FIG4: variants seen among roughly 807,000 people sequenced by gnomAD.
FIG4 encodes the protein polyphosphoinositide phosphatase.
A neutral mutation model predicts 118.6 loss-of-function variants in FIG4; 112 were observed. The ratio of observed to expected loss-of-function variants is 0.94; its 90% confidence interval spans 0.81 to 1.11. The LOEUF (loss-of-function observed/expected upper bound fraction) is 1.11. FIG4 is among the 50% of genes least tolerant of loss of function. FIG4 has a pLI of 0.00. For synonymous variants in FIG4, 369 were observed against 381.2 expected (o/e 0.97, Z 0.37); for missense variants, 969 against 1,111.7 (o/e 0.87, Z 1.83).
chr6:109,699,509 G>GTT (rs531418109), intron 1 of FIG4, among the ~76,000 whole-genome samples: 8 of 112,220 alleles, frequency 7.1e-5, no homozygotes, highest in South Asian at 2.9e-4. Context: ...TTTTTTTTTT[G>GTT]TTTTTTTTTT....
In FIG4 at chr6:109,776,940, C is replaced by T. The variant is rs773166475; in HGVS notation, c.1769C>T (p.Ser590Phe). ...TTTTTAGATGCCGATAGACAAGATT[C>T]CATTAATCTCTTCCTGGGAGTTTTC... is the stretch of plus-strand genomic sequence containing the variant. ...NAFSDADRQDSINLFLGVFHP... is the reference protein window; with the variant it reads ...NAFSDADRQDFINLFLGVFHP... Residue 590 changes from serine to phenylalanine, a missense_variant, in exon 16 of 23, where the codon TCC becomes TTC. By Grantham distance (155) the Ser-to-Phe change is radical (BLOSUM62 -2). Coordinates refer to ENST00000230124, the MANE Select transcript of FIG4 (RefSeq NM_014845.6). 11 of 1,613,262 alleles carry T rather than the reference C, an allele frequency of 6.8e-6. No individual in the cohort carries two copies. The South Asian group carries it at 1.2e-4, about 18-fold the overall frequency.
chr6:109,793,451 T>TA (rs1778193932), intron 21 of FIG4, among the ~76,000 whole-genome samples: 1 of 152,232 alleles, frequency 6.6e-6, no homozygotes, highest in South Asian at 2.1e-4. Flanking sequence ...ATCATGTGCA[T>TA]AATTTCGTGT....
At chr6:109,761,995 G>A (rs749340130) in intron 11 of FIG4, 96 bp from the exon 12 acceptor site, 56 of 751,144 alleles carry the variant, frequency 7.5e-5, no homozygotes, top group Non-Finnish European at 1.1e-4. Flanking sequence ...ACATCTTTAA[G>A]TATCATTGCT....
chr6:109,698,379 C>G (rs1393963881), intron 1 of FIG4, among the ~76,000 whole-genome samples: 1 of 152,056 alleles, frequency 6.6e-6, no homozygotes, highest in Admixed American at 6.5e-5. Context: ...AATAAAAAGC[C>G]TGTTGGGATT....
At chr6:109,821,943 G>A (rs1012028829) in intron 22 of FIG4, among the ~76,000 whole-genome samples, 2 of 152,158 alleles carry the variant, frequency 1.3e-5, no homozygotes, top group African/African-American at 4.8e-5. Flanking sequence ...GGGAGGGCAA[G>A]GCAGGAGGAT....
intron 14 of FIG4, among the ~76,000 whole-genome samples, chr6:109,765,544 G>C (rs1207944622): frequency 2.6e-5 from 4 of 151,954 alleles, no homozygotes; most frequent in Admixed American, 2.6e-4. Flanking sequence ...GCCATGGTTT[G>C]GGCTTTGGGT....
chr6:109,697,187 G>A (rs1774750525), intron 1 of FIG4, among the ~76,000 whole-genome samples: 1 of 151,356 alleles, frequency 6.6e-6, no homozygotes, highest in South Asian at 2.1e-4. Flanking sequence ...GCGTGAACCT[G>A]GGAGGTGGAG....
chr6:109,792,808 C>T (rs1177952494), intron 21 of FIG4, 144 bp downstream of exon 21: 4 of 565,816 alleles, frequency 7.1e-6, no homozygotes, highest in South Asian at 2.0e-5. Context: ...GGTATGATCT[C>T]GGCTCCTGAG....
chr6:109,732,158 T>C (rs1348213946), intron 4 of FIG4, among the ~76,000 whole-genome samples: 4 of 152,230 alleles, frequency 2.6e-5, no homozygotes, highest in African/African-American at 9.6e-5. Flanking sequence ...GAAATAGATA[T>C]TTTAAAATGT....
intron 12 of FIG4, among the ~76,000 whole-genome samples, chr6:109,762,653 A>G (rs1407601961): frequency 1.3e-5 from 2 of 151,342 alleles, no homozygotes; most frequent in East Asian, 1.9e-4. Context: ...AGAAACCAAT[A>G]CTATGTATTT....
intron 22 of FIG4, among the ~76,000 whole-genome samples, chr6:109,811,438 G>T (rs1052723727): frequency 6.6e-6 from 1 of 152,144 alleles, no homozygotes; most frequent in Non-Finnish European, 1.5e-5. Context: ...TTGGAATAAA[G>T]GTCATTTAAA....
At chr6:109,763,138 A>G (rs550110710) in intron 12 of FIG4, among the ~76,000 whole-genome samples, 1 of 152,362 alleles carries the variant, frequency 6.6e-6, no homozygotes, top group East Asian at 1.9e-4. Flanking sequence ...TCTGCCTGAC[A>G]TATACCAAAA....
rs886396027 is a variant in FIG4, at chr6:109,722,610, T to TTA, written c.290-4483_290-4482dup. The stretch of plus-strand genomic sequence containing the variant: ...TGAAAGATAGCTAGATATAAGATTC[T>TTA]TATATATATATATATATTTTAGTAC... On this transcript the variant is annotated intron_variant, in intron 3 of 22. Coordinates refer to ENST00000230124, the MANE Select transcript of FIG4 (RefSeq NM_014845.6). Among the ~76,000 whole-genome samples, 1,084 of 150,296 alleles carry TTA rather than the reference T, an allele frequency of 7.2e-3. 3 individuals carry two copies. Among genetic ancestry groups the TTA allele is most frequent in the African/African-American group, 0.013 (551 of 41,058 alleles).
At chr6:109,766,154 A>C (rs1480983033) in intron 14 of FIG4, among the ~76,000 whole-genome samples, 2 of 152,156 alleles carry the variant, frequency 1.3e-5, no homozygotes, top group African/African-American at 4.8e-5. Context: ...GACTGAAGAG[A>C]GCTAGCTAGC....
chr6:109,772,225 A>G (rs1170692685), intron 15 of FIG4, among the ~76,000 whole-genome samples: 2 of 152,078 alleles, frequency 1.3e-5, no homozygotes, highest in African/African-American at 4.8e-5. Context: ...TCTCAGTGGG[A>G]TATTGAGATC....
intron 3 of FIG4, among the ~76,000 whole-genome samples, chr6:109,723,762 A>G (rs1364327958): frequency 2.0e-5 from 3 of 152,194 alleles, no homozygotes; most frequent in Admixed American, 6.5e-5. Context: ...TTTTCTTCCC[A>G]GTAAAGGTTT....
At chr6:109,746,070 G>A (rs987643401) in intron 10 of FIG4, among the ~76,000 whole-genome samples, 6 of 152,122 alleles carry the variant, frequency 3.9e-5, no homozygotes, top group African/African-American at 1.4e-4. Flanking sequence ...GAACAGAACA[G>A]AGGCCTCAGC....
At position 109,821,112 on chromosome 6, in the gene FIG4, C is replaced by T. The variant is rs59332909; in HGVS notation, c.2547-3976C>T. Among the ~76,000 whole-genome samples the T allele has an allele frequency of 8.7e-4, 133 of 152,282 alleles. 1 individual carries two copies. The East Asian group carries it at 0.017, about 19-fold the overall frequency. On this transcript the variant is annotated intron_variant, in intron 22 of 22. Transcript: ENST00000230124. ...GGCCACATACAGTCTTGAACCCAAA[C>T]GGCCAAAGCTCCCTACCTGGACATG...
intron 16 of FIG4, among the ~76,000 whole-genome samples, chr6:109,783,110 C>T (rs572408124): frequency 1.2e-4 from 18 of 152,284 alleles, no homozygotes; most frequent in African/African-American, 4.3e-4. Context: ...ACACCAGGGC[C>T]TGCAGTGGTG....
Sources: gnomAD v4.1 joint callset for allele counts (sites outside exome capture counted in the v4.1 genomes callset) on GRCh38, gnomAD v4.1.1 for gene constraint, MANE v1.5 for transcripts, NCBI Gene and HGNC (gene_info 2026-07-23, HGNC 2026-07-21) for gene names.